The following SOD2 variants were observed in gnomAD, a reference collection of about 807,000 sequenced individuals.
SOD2 encodes superoxide dismutase [Mn], mitochondrial.
Under a neutral mutation model 27.0 loss-of-function variants are expected in SOD2, and 11 were observed. The ratio of observed to expected loss-of-function variants is 0.41; its 90% CI spans 0.26 to 0.67. The LOEUF is 0.67. Ranked by LOEUF, SOD2 falls within the 30% of genes least tolerant of loss-of-function variation. The pLI is 0.34. For missense variants in SOD2, 250 were observed against 274.5 expected (o/e 0.91, Z 0.63); for synonymous variants, 105 against 103.0 (o/e 1.02, Z -0.12).
intron 1 of SOD2, chr6:159,755,482 T>C: frequency 6.2e-7 from 1 of 1,614,104 alleles, no homozygotes; most frequent in Non-Finnish European, 8.5e-7. Context: ...ACCAATCAAA[T>C]GACACAGACT....
intron 1 of SOD2, among the ~76,000 whole-genome samples, chr6:159,700,652 C>CAA (rs11294344): frequency 0.043 from 5,198 of 122,070 alleles, 143 homozygotes; most frequent in Non-Finnish European, 0.064. Flanking sequence ...GACTCTGTCT[C>CAA]AAAAAAAAAA....
chr6:159,757,374 T>C (rs1780037157), intron 1 of SOD2, among the ~76,000 whole-genome samples: 1 of 152,150 alleles, frequency 6.6e-6, no homozygotes, highest in Non-Finnish European at 1.5e-5. Flanking sequence ...GTATGTTAAA[T>C]ACTGCACTGT....
upstream of SOD2, among the ~76,000 whole-genome samples, chr6:159,696,352 G>C (rs1777421345): frequency 6.6e-6 from 1 of 152,062 alleles, no homozygotes; most frequent in South Asian, 2.1e-4. Flanking sequence ...CAAGAGTCTT[G>C]CTTTGTTGCT....
chr6:159,682,669 C>A, intron 4 of SOD2, 31 bp from the exon 5 acceptor site: 1 of 1,591,434 alleles, frequency 6.3e-7, no homozygotes. Context: ...ACAAACCAAC[C>A]ATCAGTTTCA....
At chr6:159,727,489 C>T (rs990387028), upstream of SOD2, 2 of 991,198 alleles carry the variant, frequency 2.0e-6, no homozygotes, top group Non-Finnish European at 2.4e-6. Context: ...CGGGGCCGGG[C>T]GGCGGGGCCT....
At position 159,685,045 on chromosome 6, in the gene SOD2, A is replaced by C; in HGVS notation, c.344-12T>G. ...TTCCAGCAACTCCCCTATTAAAAAAAAAATCCAAAACCACCCACAAATGAA... is the reference window on the plus strand; with the variant it reads ...TTCCAGCAACTCCCCTATTAAAAAACAAATCCAAAACCACCCACAAATGAA... On this transcript the variant is annotated splice_polypyrimidine_tract_variant and intron_variant, in intron 3 of 4. Transcript: ENST00000538183. 6.3e-7 allele frequency: 1 copy of C among 1,575,324 alleles called. No individual in the cohort carries two copies. The highest frequency in any genetic ancestry group is 8.6e-7 in the Non-Finnish European group (1 of 1,164,096).
intron 4 of SOD2, among the ~76,000 whole-genome samples, 200 bp from the exon 5 acceptor site, chr6:159,682,838 G>A (rs1780020474): frequency 6.6e-6 from 1 of 152,092 alleles, no homozygotes; most frequent in South Asian, 2.1e-4. Context: ...TGTTTACAAA[G>A]AAAATGTGAC....
chr6:159,727,266 C>T (rs1485086600), exon 1 of SOD2: 3 of 1,283,272 alleles, frequency 2.3e-6, no homozygotes, highest in East Asian at 1.2e-4. Context: ...CTCCCTTCAC[C>T]TTTCCTCTCC....
intron 1 of SOD2, among the ~76,000 whole-genome samples, chr6:159,706,680 C>A (rs1468613358): frequency 6.6e-6 from 1 of 152,128 alleles, no homozygotes; most frequent in Non-Finnish European, 1.5e-5. Flanking sequence ...GAGACTTTAA[C>A]ACCCCACTGT....
chr6:159,727,539 A>C (rs1778262801), upstream of SOD2: 5 of 991,202 alleles, frequency 5.0e-6, no homozygotes, highest in Non-Finnish European at 6.0e-6. Flanking sequence ...AGCGAGACCC[A>C]CAAATAAAGG....
At chr6:159,748,131 C>T (rs1023814344), upstream of SOD2, 32 of 1,530,808 alleles carry the variant, frequency 2.1e-5, 1 homozygote, top group South Asian at 3.4e-4. The surrounding 1 kb of genome is among the most constrained non-coding windows in gnomAD (Gnocchi z 5.6). Flanking sequence ...GGAGTTTTCC[C>T]CACCTTCTTA....
intron 1 of SOD2, among the ~76,000 whole-genome samples, chr6:159,722,865 TAAC>T (rs569273441): frequency 7.9e-5 from 12 of 152,206 alleles, no homozygotes; most frequent in African/African-American, 2.4e-4. Flanking sequence ...AGCTAAATAA[TAAC>T]TTCTATGACA....
chr6:159,753,886 G>T (rs997994211), intron 1 of SOD2, among the ~76,000 whole-genome samples: 1 of 152,116 alleles, frequency 6.6e-6, no homozygotes, highest in Non-Finnish European at 1.5e-5. Context: ...AGATAAAAGG[G>T]TGTTGTATTA....
upstream of SOD2, among the ~76,000 whole-genome samples, chr6:159,729,170 T>C (rs1431548364): frequency 2.6e-5 from 4 of 152,262 alleles, no homozygotes; most frequent in Non-Finnish European, 5.9e-5. Flanking sequence ...GTCTTGTATG[T>C]AGTATTGAAT....
At chr6:159,720,872 T>TTTTG (rs1778023829) in intron 1 of SOD2, among the ~76,000 whole-genome samples, 1 of 136,156 alleles carries the variant, frequency 7.3e-6, no homozygotes, top group Non-Finnish European at 1.5e-5. Flanking sequence ...TTTTTTTTTT[T>TTTTG]TTGAGACAGT....
exon 1 of SOD2, chr6:159,761,873 G>GGCCTCACTTC (rs1780137472): frequency 2.1e-5 from 3 of 142,162 alleles, no homozygotes; most frequent in East Asian, 2.6e-4. Context: ...CTTCCGCCCC[G>GGCCTCACTTC]CGCCCCGCGC....
At chr6:159,726,092 G>A (rs963740955) in intron 1 of SOD2, 2 of 152,220 alleles carry the variant, frequency 1.3e-5, no homozygotes, top group African/African-American at 4.8e-5. Flanking sequence ...ATAAGGTTAG[G>A]GTTAGAAGTA....
intron 1 of SOD2, among the ~76,000 whole-genome samples, chr6:159,750,387 A>G (rs531897001): frequency 2.0e-5 from 3 of 152,282 alleles, no homozygotes; most frequent in Admixed American, 6.5e-5. Context: ...TTCTCTTTTA[A>G]TAAGATAATA....
exon 1 of SOD2, chr6:159,761,324 T>A: frequency 4.0e-6 from 1 of 248,750 alleles, no homozygotes; most frequent in Non-Finnish European, 8.3e-6. Flanking sequence ...TCAGAAAGGG[T>A]TTTAAACAAA....
Sources: allele counts gnomAD v4.1 joint callset (sites outside exome capture counted in the v4.1 genomes callset), GRCh38; gene constraint gnomAD v4.1.1; non-coding constraint Gnocchi (gnomAD v3.1); transcripts MANE v1.5; gene names NCBI Gene and HGNC (gene_info 2026-07-23, HGNC 2026-07-21).